Variants in SSPN observed in about 807,000 individuals in gnomAD.
SSPN encodes sarcospan.
A neutral mutation model predicts 19.1 loss-of-function variants in SSPN; 15 were observed. The observed-to-expected ratio is 0.78, with a 90% confidence interval of 0.52 to 1.21. The LOEUF (loss-of-function observed/expected upper bound fraction) is 1.21, where lower values mean the gene tolerates loss of function less well. Ranked by LOEUF, SSPN falls within the 50% of genes most tolerant of loss-of-function variation. The pLI is 0.00. For missense variants in SSPN, 291 were observed against 314.0 expected (o/e 0.93, Z 0.55); for synonymous variants, 147 against 140.3 (o/e 1.05, Z -0.34).
rs375990829 is a variant in SSPN at position 26,231,019 on chromosome 12, T to G, written c.675T>G (p.Tyr225Ter). Reference protein sequence around the residue: ...VMWKHRYQVFYVGVRICSLTA... With the variant: ...VMWKHRYQVF Reference sequence around the variant, plus strand: ...GGAAACATAGGTACCAGGTCTTCTATGTGGGTGTCAGGATATGCTCCCTCA... The same window carrying G: ...GGAAACATAGGTACCAGGTCTTCTAGGTGGGTGTCAGGATATGCTCCCTCA... The change falls in exon 3 of 3, where the codon TAT becomes TAG. Residue 225 changes from tyrosine (Y) to a stop codon, truncating the protein, a stop_gained. Coordinates refer to ENST00000242729, the MANE Select transcript of SSPN (RefSeq NM_005086.5). LOFTEE classifies it high-confidence loss of function. 1.2e-6 allele frequency: 2 copies of G among 1,614,090 alleles called. No individual in the cohort carries two copies. Among genetic ancestry groups the G allele is most frequent in the Non-Finnish European group, 1.7e-6 (2 of 1,180,050 alleles).
chr12:26,218,950 A>G (rs1402884703), intron 1 of SSPN, among the ~76,000 whole-genome samples: 1 of 152,236 alleles, frequency 6.6e-6, no homozygotes, highest in Non-Finnish European at 1.5e-5. Context: ...TTGGTGATCA[A>G]TTGATTTTGT....
intron 1 of SSPN, among the ~76,000 whole-genome samples, chr12:26,166,103 C>T (rs1944619401): frequency 1.3e-5 from 2 of 152,110 alleles, no homozygotes; most frequent in South Asian, 4.1e-4. Flanking sequence ...AGGGGAACAT[C>T]ACACACCAGG....
chr12:26,196,926 A>ATTATG (rs1419350600), intron 1 of SSPN, among the ~76,000 whole-genome samples: 5 of 152,188 alleles, frequency 3.3e-5, no homozygotes, highest in Admixed American at 1.3e-4. Flanking sequence ...TAACTTTAAT[A>ATTATG]TTATGTTATA....
intron 1 of SSPN, chr12:26,125,768 G>A (rs1944358281): frequency 6.6e-6 from 1 of 151,998 alleles, no homozygotes; most frequent in Admixed American, 6.5e-5. Flanking sequence ...GGAACGCGGC[G>A]GGGAGCGAGC....
intron 1 of SSPN, among the ~76,000 whole-genome samples, chr12:26,161,006 G>A (rs376789722): frequency 3.3e-5 from 5 of 151,308 alleles, no homozygotes; most frequent in African/African-American, 1.2e-4. Context: ...TACTCAGGAG[G>A]TCTAGGCAGG....
intron 1 of SSPN, among the ~76,000 whole-genome samples, chr12:26,151,054 T>C (rs929578623): frequency 3.3e-5 from 5 of 152,124 alleles, no homozygotes; most frequent in African/African-American, 1.2e-4. Context: ...TTTCAGACAC[T>C]GGAATGGCAC....
At chr12:26,163,248 G>A (rs1202533110) in intron 1 of SSPN, among the ~76,000 whole-genome samples, 6 of 152,156 alleles carry the variant, frequency 3.9e-5, no homozygotes, top group Non-Finnish European at 2.9e-5. Flanking sequence ...AAGACACAAT[G>A]TTTTTCTTAA....
intron 1 of SSPN, among the ~76,000 whole-genome samples, chr12:26,202,459 C>G (rs1466138632): frequency 6.6e-6 from 1 of 152,154 alleles, no homozygotes; most frequent in Non-Finnish European, 1.5e-5. Context: ...TGGCAGGACT[C>G]AGGAAGGTCA....
intron 1 of SSPN, among the ~76,000 whole-genome samples, chr12:26,207,494 T>C (rs570444499): frequency 5.9e-5 from 9 of 152,336 alleles, no homozygotes; most frequent in South Asian, 2.1e-4. Context: ...CCCAGAGATA[T>C]GTACTATCCT....
intron 1 of SSPN, among the ~76,000 whole-genome samples, chr12:26,212,455 A>G (rs1201963402): frequency 6.6e-6 from 1 of 152,136 alleles, no homozygotes; most frequent in East Asian, 1.9e-4. Flanking sequence ...TCTTCTTTTA[A>G]AAATAATCTC....
intron 1 of SSPN, among the ~76,000 whole-genome samples, chr12:26,152,971 G>A (rs975509639): frequency 6.6e-6 from 1 of 152,140 alleles, no homozygotes; most frequent in Non-Finnish European, 1.5e-5. Context: ...CCTCTGGGCC[G>A]TAGCACTTGT....
rs762009537 is a variant in SSPN, at chr12:26,233,548, A to C, written c.*2472A>C. On this transcript the variant is annotated 3_prime_UTR_variant, in exon 3 of 3. Transcript: ENST00000242729. This position sits in a 1 kb window ranked among gnomAD's most constrained non-coding sequence, Gnocchi z 4.3. The stretch of plus-strand genomic sequence containing the variant: ...TTGATAAGTGTAAGAATTGTGTTGC[A>C]TGAATAACCGCTTTGGGCTGGATTT... 2 of 152,222 alleles carry C rather than the reference A, an allele frequency of 1.3e-5. No individual in the cohort carries two copies. The highest frequency in any genetic ancestry group is 2.9e-5 in the Non-Finnish European group (2 of 68,036). 9.4% of individuals were successfully genotyped at this position (152,222 alleles called of 1,614,324 possible).
intron 1 of SSPN, among the ~76,000 whole-genome samples, chr12:26,205,768 C>T (rs1221147133): frequency 6.6e-6 from 1 of 152,176 alleles, no homozygotes; most frequent in African/African-American, 2.4e-5. Flanking sequence ...TTCTTCATGA[C>T]CGCATACAGA....
Position 26,147,254 on chromosome 12 carries a change from G to A in SSPN, c.-31+25102G>A, listed in dbSNP as rs73082962. On this transcript the variant is annotated intron_variant, in intron 1 of 2. Transcript: ENST00000538142. Reference sequence around the variant, plus strand: ...AGCTAGGATCTGAGAAAATGAAAACGATAATTTTTGGGGTTTTTTTTGTGT... The same window carrying A: ...AGCTAGGATCTGAGAAAATGAAAACAATAATTTTTGGGGTTTTTTTTGTGT... 9.8e-3 allele frequency among the ~76,000 whole-genome samples: 1,383 copies of A among 141,634 alleles called. 6 individuals are homozygous for A. The highest frequency in any genetic ancestry group is 0.021 in the Middle Eastern group (6 of 282). 92.9% of individuals were successfully genotyped at this position (141,634 alleles called of 152,430 possible).
chr12:26,210,079 A>G (rs1944969097), intron 1 of SSPN, among the ~76,000 whole-genome samples: 1 of 151,988 alleles, frequency 6.6e-6, no homozygotes, highest in Admixed American at 6.6e-5. Flanking sequence ...ACAAGAGTAG[A>G]TACAATTGTA....
At chr12:26,179,007 A>T (rs1944702077) in intron 1 of SSPN, among the ~76,000 whole-genome samples, 1 of 152,190 alleles carries the variant, frequency 6.6e-6, no homozygotes, top group African/African-American at 2.4e-5. Flanking sequence ...GGAACATAAT[A>T]TCCCATGAAG....
intron 1 of SSPN, among the ~76,000 whole-genome samples, chr12:26,214,210 G>C (rs1220187040): frequency 1.3e-5 from 2 of 152,104 alleles, no homozygotes; most frequent in African/African-American, 2.4e-5. Flanking sequence ...CTAAGTCACG[G>C]TCCCCCAGCC....
At chr12:26,205,695 G>A (rs1462950753) in intron 1 of SSPN, among the ~76,000 whole-genome samples, 1 of 152,182 alleles carries the variant, frequency 6.6e-6, no homozygotes, top group Non-Finnish European at 1.5e-5. Context: ...GGGCACCCAA[G>A]GCAGTGAAGA....
At chr12:26,150,716 T>A (rs1180308709) in intron 1 of SSPN, among the ~76,000 whole-genome samples, 2 of 152,210 alleles carry the variant, frequency 1.3e-5, no homozygotes, top group East Asian at 3.8e-4. Flanking sequence ...TAAACCAGCA[T>A]AAAGCCAAAT....
Sources: allele counts gnomAD v4.1 joint callset (sites outside exome capture counted in the v4.1 genomes callset), GRCh38; gene constraint gnomAD v4.1.1; non-coding constraint Gnocchi (gnomAD v3.1); transcripts MANE v1.5; gene names NCBI Gene and HGNC (gene_info 2026-07-23, HGNC 2026-07-21).